ARHGEF28: variants seen among roughly 807,000 people sequenced by gnomAD.
The protein encoded by ARHGEF28 is Rho guanine nucleotide exchange factor 28.
Under a neutral mutation model 206.6 loss-of-function variants are expected in ARHGEF28, and 152 were observed. That is an observed-to-expected ratio of 0.74 (90% CI 0.64 to 0.84). ARHGEF28 has a LOEUF of 0.84. ARHGEF28 is among the 40% of genes least tolerant of loss of function. The pLI is 0.00. For synonymous variants in ARHGEF28, 763 were observed against 776.4 expected, an observed-to-expected ratio of 0.98 and a Z score of 0.29; for missense variants, 2,028 against 2,073.2, an observed-to-expected ratio of 0.98 and a Z score of 0.42.
At position 73,813,517 on chromosome 5, in the gene ARHGEF28, C is replaced by A; in HGVS notation, c.1024+18126C>A. 3.3e-6 allele frequency: 5 copies of A among 1,526,856 alleles called. No homozygotes were observed. In the South Asian group the frequency reaches 4.8e-5, roughly 15 times the overall value. The allele number at this position is 1,526,856 out of a possible 1,614,324, so 94.6% of individuals were successfully genotyped here. On this transcript the variant is annotated intron_variant, in intron 9 of 35. Transcript: ENST00000513042. ...TTACATCACATGGGGAGGCTTGCCT[C>A]CTGGCTGGGGACGCCCCGAGTTCTT...
In ARHGEF28 at chr5:73,794,396, T is replaced by C; in HGVS notation, c.911-6T>C. On this transcript the variant is annotated splice_region_variant and splice_polypyrimidine_tract_variant and intron_variant, in intron 7 of 35. Coordinates refer to ENST00000513042, the MANE Select transcript of ARHGEF28 (RefSeq NM_001177693.2). ...CAGCAGATCCTGATAATTATTTCTT[T>C]TGCAGAGATTAAGAATTCAGTGTCC... is the stretch of plus-strand genomic sequence containing the variant. The C allele has an allele frequency of 1.9e-6, 3 of 1,592,742 alleles. No homozygotes were observed.
At position 73,870,140 on chromosome 5, in the gene ARHGEF28, C is replaced by T. The variant is rs754500244; in HGVS notation, c.2497C>T (p.Leu833Phe). ...GGAGTTTGAAGCAGAATCTTGGAGT[C>T]TTGTGGTGGATCCCTCATTTTGTAA... is the stretch of plus-strand genomic sequence containing the variant. ...AQEFEAESWS[L>F]VVDPSFCNRQ... is the part of the protein sequence containing the mutation. The change falls in exon 21 of 36, where the codon CTT becomes TTT. Residue 833 changes from leucine (L) to phenylalanine (F), a missense_variant. By Grantham distance (22) the Leu-to-Phe change is conservative. Around this residue, in one of 3 missense-constraint regions of ARHGEF28, gnomAD observed 1,002 missense variants for 1,015.3 expected, o/e 0.99. Transcript: ENST00000513042. The T allele has an allele frequency of 4.3e-6, 7 of 1,613,842 alleles. No homozygotes were observed. Among genetic ancestry groups the T allele is most frequent in the Non-Finnish European group, 5.1e-6 (6 of 1,179,874 alleles).
chr5:73,649,932 C>T (rs564139352), intron 1 of ARHGEF28, among the ~76,000 whole-genome samples: 7 of 152,358 alleles, frequency 4.6e-5, no homozygotes, highest in African/African-American at 1.4e-4. Context: ...AGTCCCTCTT[C>T]CCACACTGTG....
chr5:73,700,572 G>T (rs1306845663), intron 2 of ARHGEF28, among the ~76,000 whole-genome samples: 1 of 152,126 alleles, frequency 6.6e-6, no homozygotes, highest in African/African-American at 2.4e-5. Flanking sequence ...TGCACAGTTG[G>T]GTGACTATGG....
At position 73,812,214 on chromosome 5, in the gene ARHGEF28, C is replaced by A. The variant is rs12514141; in HGVS notation, c.1024+16823C>A. Reference sequence around the variant, plus strand: ...CCTGTATGCCTCACTCAACCCCTACCCAATCAGACAGGATTAGCTTCCATG... The same window carrying A: ...CCTGTATGCCTCACTCAACCCCTACACAATCAGACAGGATTAGCTTCCATG... On this transcript the variant is annotated intron_variant, in intron 9 of 35. Coordinates refer to ENST00000513042, the MANE Select transcript of ARHGEF28 (RefSeq NM_001177693.2). Among the ~76,000 whole-genome samples the A allele has an allele frequency of 3.2e-3, 493 of 152,232 alleles. 9 individuals are homozygous for A. Among genetic ancestry groups the A allele is most frequent in the East Asian group, 0.029 (152 of 5,164 alleles).
Position 73,807,022 on chromosome 5 carries a change from A to G in ARHGEF28, c.1024+11631A>G, listed in dbSNP as rs145234657. Among the ~76,000 whole-genome samples the G allele has an allele frequency of 5.0e-3, 730 of 146,878 alleles. 10 individuals are homozygous for G. The highest frequency in any genetic ancestry group is 0.017 in the African/African-American group (673 of 40,360). ...AATTATTAAGTCTGTGAACAAGTCT[A>G]TGGCATGTAAGAGGTTTTTTTTTTT... On this transcript the variant is annotated intron_variant, in intron 9 of 35. Transcript: ENST00000513042.
intron 5 of ARHGEF28, among the ~76,000 whole-genome samples, chr5:73,776,158 G>A (rs1413731433): frequency 6.6e-6 from 1 of 152,138 alleles, no homozygotes; most frequent in African/African-American, 2.4e-5. Context: ...CAGCTAATTT[G>A]TTCTACTACA....
chr5:73,844,679 A>C (rs1225984177), intron 11 of ARHGEF28, among the ~76,000 whole-genome samples: 2 of 148,374 alleles, frequency 1.3e-5, no homozygotes, highest in African/African-American at 4.9e-5. Flanking sequence ...AGGTTAATTC[A>C]AAGTTTCATT....
At position 73,847,550 on chromosome 5, in the gene ARHGEF28, TG is replaced by T. The variant is rs199500353; in HGVS notation, c.1635+1077del. ...ATTTCTGGATAATGAGAAGTTTGTA[TG>T]GTTGTTATGTAGATACTTCTTAGTT... On this transcript the variant is annotated intron_variant, in intron 12 of 35. Coordinates refer to ENST00000513042, the MANE Select transcript of ARHGEF28 (RefSeq NM_001177693.2). Among the ~76,000 whole-genome samples the T allele has an allele frequency of 2.1e-4, 32 of 152,338 alleles. 3 individuals are homozygous for T. In the East Asian group the frequency reaches 5.8e-3, roughly 28 times the overall value.
intron 35 of ARHGEF28, among the ~76,000 whole-genome samples, chr5:73,913,832 A>G (rs927237866): frequency 6.6e-6 from 1 of 152,198 alleles, no homozygotes; most frequent in Non-Finnish European, 1.5e-5. Flanking sequence ...GTACTTAACC[A>G]TGATTTCATT....
chr5:73,706,035 G>A (rs113273436), intron 2 of ARHGEF28, among the ~76,000 whole-genome samples: 4 of 152,306 alleles, frequency 2.6e-5, no homozygotes, highest in African/African-American at 9.6e-5. Context: ...ACCCAGAAGG[G>A]TGGAACTTCC....
chr5:73,881,130 A>G (rs1159606806), intron 22 of ARHGEF28, among the ~76,000 whole-genome samples: 5 of 152,008 alleles, frequency 3.3e-5, no homozygotes. Flanking sequence ...ATTTTTGTCA[A>G]AAATCATGTG....
intron 2 of ARHGEF28, among the ~76,000 whole-genome samples, chr5:73,712,616 G>A (rs1042007581): frequency 1.3e-5 from 2 of 152,160 alleles, no homozygotes; most frequent in Non-Finnish European, 2.9e-5. Flanking sequence ...ATAGAATTTT[G>A]CATGCATGTT....
chr5:73,834,542 C>CTCTGTGTG lies in ARHGEF28; in HGVS notation c.1146+2084_1146+2085insCTGTGTGT, dbSNP rs1455818141. Among the ~76,000 whole-genome samples, 84 of 146,324 alleles carry CTCTGTGTG rather than the reference C, an allele frequency of 5.7e-4. 1 individual carries two copies. The highest frequency in any genetic ancestry group is 2.0e-3 in the African/African-American group (78 of 39,242). ...TCTTTTCTAGGGCTGAATAATATTC[C>CTCTGTGTG]TGTGTGTGTGTGTGTGTGTGTGTGT... On this transcript the variant is annotated intron_variant, in intron 10 of 35. Transcript: ENST00000513042.
At chr5:73,690,506 T>A (rs55756346) in intron 2 of ARHGEF28, among the ~76,000 whole-genome samples, 2 of 142,888 alleles carry the variant, frequency 1.4e-5, no homozygotes, top group Non-Finnish European at 3.0e-5. Flanking sequence ...CTGGTCAACA[T>A]TGTAAGACTC....
chr5:73,815,287 T>G lies in ARHGEF28; in HGVS notation c.1025-17051T>G, dbSNP rs1756124742. Among the ~76,000 whole-genome samples the G allele has an allele frequency of 2.0e-5, 3 of 151,962 alleles. No individual in the cohort carries two copies. In the South Asian group the frequency reaches 6.2e-4, roughly 32 times the overall value. ...CAGTCAAATGTTAACAATATGTAAA[T>G]CTGGGTAAATAGTATATATTGCTAT... On this transcript the variant is annotated intron_variant, in intron 9 of 35. Transcript: ENST00000513042.
At chr5:73,856,499 G>A (rs1759048397) in intron 14 of ARHGEF28, among the ~76,000 whole-genome samples, 1 of 151,694 alleles carries the variant, frequency 6.6e-6, no homozygotes, top group Non-Finnish European at 1.5e-5. Context: ...TGCATTAATA[G>A]GTTTGAGCTC....
In ARHGEF28 at chr5:73,911,368, A is replaced by C. The variant is rs761562715; in HGVS notation, c.4741A>C (p.Lys1581Gln). 2 of 1,613,840 alleles carry C rather than the reference A, an allele frequency of 1.2e-6. No individual in the cohort carries two copies. Among genetic ancestry groups the C allele is most frequent in the South Asian group, 1.1e-5 (1 of 91,020 alleles). The change falls in exon 35 of 36, where the codon AAA becomes CAA. Residue 1581 changes from lysine to glutamine, a missense_variant. Coordinates refer to ENST00000513042, the MANE Select transcript of ARHGEF28 (RefSeq NM_001177693.2). ...LVQMSFNTFN[K>Q]LNPSVIHQDA... ...ACAAATGTCATTTAACACTTTCAACAAACTGAATCCATCAGTTATCCATCA... is the reference window on the plus strand; with the variant it reads ...ACAAATGTCATTTAACACTTTCAACCAACTGAATCCATCAGTTATCCATCA...
intron 35 of ARHGEF28, among the ~76,000 whole-genome samples, chr5:73,928,322 A>C (rs1763929581): frequency 6.6e-6 from 1 of 152,194 alleles, no homozygotes; most frequent in Non-Finnish European, 1.5e-5. Flanking sequence ...AGGCTGAGGC[A>C]GGAGAATGGC....
Sources: allele counts gnomAD v4.1 joint callset (sites outside exome capture counted in the v4.1 genomes callset), GRCh38; gene constraint gnomAD v4.1.1; regional missense constraint gnomAD v4.1.1; transcripts MANE v1.5; gene names NCBI Gene and HGNC (gene_info 2026-07-23, HGNC 2026-07-21).